Variants in BCL7A observed in about 807,000 individuals in gnomAD.
BCL7A encodes BAF chromatin remodeling complex subunit BCL7A, also known as B-cell CLL/lymphoma 7 protein family member A.
In BCL7A, 11 loss-of-function variants were observed where a neutral mutation model predicts 28.4. That is an observed-to-expected ratio of 0.39 (90% CI 0.24 to 0.64). BCL7A has a LOEUF of 0.64. Ranked by LOEUF, BCL7A falls within the 30% of genes least tolerant of loss-of-function variation. BCL7A has a pLI of 0.50. For synonymous variants in BCL7A, 123 were observed against 103.3 expected (o/e 1.19, Z -1.15); for missense variants, 222 against 274.8 (o/e 0.81, Z 1.36).
At chr12:122,042,214 G>GCCTTT (rs377369554) in intron 3 of BCL7A, among the ~76,000 whole-genome samples, 6 of 152,282 alleles carry the variant, frequency 3.9e-5, no homozygotes, top group African/African-American at 1.4e-4. Context: ...ATTGTGAAGG[G>GCCTTT]TTTTGTTGTC....
chr12:122,024,197 G>C (rs1883556362), intron 1 of BCL7A, among the ~76,000 whole-genome samples: 1 of 152,214 alleles, frequency 6.6e-6, no homozygotes, highest in African/African-American at 2.4e-5. Flanking sequence ...ACAACACATC[G>C]TGTCCTCTGA....
intron 4 of BCL7A, among the ~76,000 whole-genome samples, chr12:122,054,232 C>T (rs1054224750): frequency 6.6e-6 from 1 of 152,026 alleles, no homozygotes; most frequent in Admixed American, 6.6e-5. Flanking sequence ...CTACAGGCGC[C>T]CGCCGCCACC....
At chr12:122,022,710 G>C (rs1883494733) in intron 1 of BCL7A, among the ~76,000 whole-genome samples, 1 of 148,520 alleles carries the variant, frequency 6.7e-6, no homozygotes, top group South Asian at 2.1e-4. Flanking sequence ...CCGCCCGGCC[G>C]CCCGCTCCCG....
chr12:122,059,991 GCC>G lies in BCL7A; in HGVS notation c.*832_*833del, dbSNP rs1414997135. The G allele has an allele frequency of 4.3e-6, 1 of 233,132 alleles. No individual in the cohort carries two copies. The highest frequency in any genetic ancestry group is 8.5e-6 in the Non-Finnish European group (1 of 117,922). 14.4% of individuals were successfully genotyped at this position (233,132 alleles called of 1,614,324 possible). A position where few individuals can be genotyped will look rare whatever the true frequency, so the allele number is the denominator to read the frequency against. ...AATTTTCTGGCACTTCCTCTCTATT[GCC>G]CCCACCACCACCACCCCCATCACTG... On this transcript the variant is annotated 3_prime_UTR_variant, in exon 6 of 6. Coordinates refer to ENST00000261822, the MANE Select transcript of BCL7A (RefSeq NM_001024808.3). This position sits in a 1 kb window ranked among gnomAD's most constrained non-coding sequence, Gnocchi z 4.0.
intron 4 of BCL7A, among the ~76,000 whole-genome samples, chr12:122,051,898 A>T (rs1266920300): frequency 1.5e-5 from 2 of 131,986 alleles, no homozygotes; most frequent in Non-Finnish European, 3.1e-5. Flanking sequence ...TTTTGAGACA[A>T]AGTCTCACTC....
At chr12:122,039,712 G>T (rs1006297096) in intron 3 of BCL7A, among the ~76,000 whole-genome samples, 2 of 151,286 alleles carry the variant, frequency 1.3e-5, no homozygotes, top group African/African-American at 2.4e-5. Context: ...AAATTATTGG[G>T]TGTGGTGGCA....
rs746847373 is a variant in BCL7A at position 122,043,869 on chromosome 12, G to C, written c.272-17G>C. On this transcript the variant is annotated splice_polypyrimidine_tract_variant and intron_variant, in intron 3 of 5. Transcript: ENST00000261822. ...CTGTGGGATTTCATCCTGTGGTTCT[G>C]TTCCCACCCCCTACAGACGATAACA... 1.2e-6 allele frequency: 2 copies of C among 1,600,670 alleles called. No individual in the cohort carries two copies. The highest frequency in any genetic ancestry group is 2.3e-5 in the South Asian group (2 of 88,762).
In BCL7A at chr12:122,060,214, C is replaced by G. The variant is rs1279265359; in HGVS notation, c.*1051C>G. On this transcript the variant is annotated 3_prime_UTR_variant, in exon 6 of 6. Transcript: ENST00000261822. The stretch of plus-strand genomic sequence containing the variant: ...CCTTTGCCTCCCCCGACGCCCCAGC[C>G]TGTGCCCCGGAGAGGCAGGATCGCA... 1 of 232,978 alleles carries G rather than the reference C, an allele frequency of 4.3e-6. No homozygotes were observed. Among genetic ancestry groups the G allele is most frequent in the Non-Finnish European group, 8.5e-6 (1 of 117,670 alleles). The allele number at this position is 232,978 out of a possible 1,614,324, so 14.4% of individuals were successfully genotyped here.
chr12:122,053,005 T>TGTC (rs1010011097), intron 4 of BCL7A, among the ~76,000 whole-genome samples: 1 of 150,570 alleles, frequency 6.6e-6, no homozygotes, highest in Non-Finnish European at 1.5e-5. Flanking sequence ...TTGTTGTTGT[T>TGTC]GTCGTTTTTT....
At chr12:122,036,112 A>C (rs1428190077) in intron 3 of BCL7A, among the ~76,000 whole-genome samples, 1 of 152,124 alleles carries the variant, frequency 6.6e-6, no homozygotes, top group African/African-American at 2.4e-5. Flanking sequence ...AAGTGCTGGG[A>C]TTACAGGCAT....
chr12:122,035,475 G>A, intron 3 of BCL7A, 48 bp downstream of exon 3: 1 of 1,516,582 alleles, frequency 6.6e-7, no homozygotes, highest in Non-Finnish European at 9.1e-7. Context: ...CCGGGGCCTT[G>A]GCCAAGCACT....
chr12:122,045,214 CTACTAAAAA>C (rs1304973012), intron 4 of BCL7A, among the ~76,000 whole-genome samples: 9 of 152,190 alleles, frequency 5.9e-5, no homozygotes, highest in African/African-American at 2.2e-4. Context: ...AACCCTGTCT[CTACTAAAAA>C]TACAAAAATT....
intron 1 of BCL7A, among the ~76,000 whole-genome samples, chr12:122,025,946 C>CAAA (rs1204623444): frequency 6.1e-4 from 66 of 107,964 alleles, no homozygotes; most frequent in East Asian, 1.5e-3. Context: ...GACTCCATCT[C>CAAA]AAAAAAAAAA....
chr12:122,055,713 G>A (rs1951873711), intron 5 of BCL7A, among the ~76,000 whole-genome samples: 1 of 152,124 alleles, frequency 6.6e-6, no homozygotes, highest in African/African-American at 2.4e-5. Context: ...CCACCTCCTG[G>A]ATTCAAGCAA....
chr12:122,021,905 G>A lies in BCL7A; in HGVS notation c.-187G>A, dbSNP rs1883458918. 1.2e-5 allele frequency: 5 copies of A among 409,942 alleles called. No individual in the cohort carries two copies. In the East Asian group the frequency reaches 2.1e-4, roughly 17 times the overall value. The allele number at this position is 409,942 out of a possible 1,614,324, so 25.4% of individuals were successfully genotyped here. A position where few individuals can be genotyped will look rare whatever the true frequency, so the allele number is the denominator to read the frequency against. On this transcript the variant is annotated 5_prime_UTR_variant, in exon 1 of 6. Transcript: ENST00000261822. ...TTGCGCACTGGGCCAGGCGCGCGGC[G>A]GCCCCGGGCTTTGTGTGTGTGTGTA...
chr12:122,025,552 A>G (rs1426313137), intron 1 of BCL7A, among the ~76,000 whole-genome samples: 5 of 151,812 alleles, frequency 3.3e-5, no homozygotes, highest in Non-Finnish European at 5.9e-5. Context: ...GCGGGAACCC[A>G]GGAGGTGGAG....
In BCL7A at chr12:122,060,849, C is replaced by T. The variant is rs1003456044; in HGVS notation, c.*1686C>T. 4.4e-6 allele frequency: 1 copy of T among 227,074 alleles called. No individual in the cohort carries two copies. The highest frequency in any genetic ancestry group is 8.7e-6 in the Non-Finnish European group (1 of 114,944). The allele number at this position is 227,074 out of a possible 1,614,324, so 14.1% of individuals were successfully genotyped here. ...GCACTTCGAGAAGAATCAAAATGTT[C>T]CTGAATTTCAAATACCTCATGCAAA... On this transcript the variant is annotated 3_prime_UTR_variant, in exon 6 of 6. Coordinates refer to ENST00000261822, the MANE Select transcript of BCL7A (RefSeq NM_001024808.3).
Position 122,061,058 on chromosome 12 carries a change from C to G in BCL7A, c.*1895C>G, listed in dbSNP as rs974971005. 4.9e-5 allele frequency: 11 copies of G among 226,412 alleles called. No individual in the cohort carries two copies. Among genetic ancestry groups the G allele is most frequent in the Non-Finnish European group, 8.8e-5 (10 of 113,616 alleles). The allele number at this position is 226,412 out of a possible 1,614,324, so 14.0% of individuals were successfully genotyped here. On this transcript the variant is annotated 3_prime_UTR_variant, in exon 6 of 6. Coordinates refer to ENST00000261822, the MANE Select transcript of BCL7A (RefSeq NM_001024808.3). Reference sequence around the variant, plus strand: ...ATCCTGGCGCAGAACCTACCTGATGCGGTTCCTCTCCACGCATCTCGAGGC... The same window carrying G: ...ATCCTGGCGCAGAACCTACCTGATGGGGTTCCTCTCCACGCATCTCGAGGC...
chr12:122,052,876 G>C lies in BCL7A; in HGVS notation c.440-1929G>C, dbSNP rs1468386605. On this transcript the variant is annotated intron_variant, in intron 4 of 5. Transcript: ENST00000261822. ...TTTTGTATTTTTTTAGTCGGGGGGG[G>C]GGGGGGGTTTGCCATGTTGGCCAGG... Among the ~76,000 whole-genome samples, 14 of 139,610 alleles carry C rather than the reference G, an allele frequency of 1.0e-4. 1 individual carries two copies. Among genetic ancestry groups the C allele is most frequent in the East Asian group, 6.8e-4 (3 of 4,420 alleles). 91.6% of individuals were successfully genotyped at this position (139,610 alleles called of 152,430 possible).
Sources: allele counts gnomAD v4.1 joint callset (sites outside exome capture counted in the v4.1 genomes callset), GRCh38; gene constraint gnomAD v4.1.1; non-coding constraint Gnocchi (gnomAD v3.1); transcripts MANE v1.5; gene names NCBI Gene and HGNC (gene_info 2026-07-23, HGNC 2026-07-21).